TAOK3: variants seen among roughly 807,000 people sequenced by gnomAD.
TAOK3 encodes the protein TAO kinase 3.
Under a neutral mutation model 120.4 loss-of-function variants are expected in TAOK3, and 40 were observed. The ratio of observed to expected loss-of-function variants is 0.33; its 90% CI spans 0.26 to 0.43. The LOEUF (loss-of-function observed/expected upper bound fraction) is 0.43. Among genes scored for constraint, TAOK3 ranks in the 20% least tolerant of loss-of-function variants. The pLI is 1.00. For missense variants in TAOK3, 821 were observed against 1,112.1 expected (o/e 0.74, Z 3.72); for synonymous variants, 355 against 387.5 (o/e 0.92, Z 0.99).
intron 14 of TAOK3, 33 bp from the exon 15 acceptor site, chr12:118,181,640 C>A (rs747989948): frequency 1.9e-6 from 3 of 1,590,960 alleles, no homozygotes; most frequent in Non-Finnish European, 2.6e-6. Flanking sequence ...ACTCAGGTAA[C>A]CAGGTTCATG....
At chr12:118,170,013 G>A (rs1293110414) in intron 17 of TAOK3, among the ~76,000 whole-genome samples, 4 of 152,188 alleles carry the variant, frequency 2.6e-5, no homozygotes, top group East Asian at 1.9e-4. Context: ...GAGCCACTGC[G>A]CCCGGCCTCT....
intron 1 of TAOK3, among the ~76,000 whole-genome samples, chr12:118,309,938 T>C (rs1393831005): frequency 6.6e-6 from 1 of 152,106 alleles, no homozygotes; most frequent in East Asian, 1.9e-4. Flanking sequence ...TTCTTATTCT[T>C]TCCCCCCATA....
chr12:118,171,230 CT>C (rs1433254848), intron 17 of TAOK3, among the ~76,000 whole-genome samples: 1 of 152,216 alleles, frequency 6.6e-6, no homozygotes, highest in Non-Finnish European at 1.5e-5. Flanking sequence ...TCACTCAGAT[CT>C]AATTGCCTCT....
In TAOK3 at chr12:118,269,661, C is replaced by T. The variant is rs117064991; in HGVS notation, c.-193-2902G>A. Among the ~76,000 whole-genome samples the T allele has an allele frequency of 9.9e-3, 1,505 of 152,178 alleles. 17 individuals are homozygous for T. Among genetic ancestry groups the T allele is most frequent in the Non-Finnish European group, 0.014 (926 of 68,012 alleles). ...CTGAGATTACAGGCGTGAGCCACTG[C>T]GCCCAGCCCACTTTTACATAATTTT... On this transcript the variant is annotated intron_variant, in intron 1 of 20. Coordinates refer to ENST00000392533, the MANE Select transcript of TAOK3 (RefSeq NM_016281.4).
chr12:118,221,089 G>C (rs1431378007), intron 9 of TAOK3, among the ~76,000 whole-genome samples: 1 of 152,242 alleles, frequency 6.6e-6, no homozygotes, highest in Non-Finnish European at 1.5e-5. Context: ...GTCTATGACT[G>C]CTTTCATCCT....
chr12:118,228,662 A>G (rs1336730362), intron 9 of TAOK3, among the ~76,000 whole-genome samples: 1 of 152,204 alleles, frequency 6.6e-6, no homozygotes. Flanking sequence ...TTGGATAAGA[A>G]TTTAGGCTAG....
chr12:118,281,803 T>C (rs1247702476), intron 1 of TAOK3, among the ~76,000 whole-genome samples: 1 of 151,492 alleles, frequency 6.6e-6, no homozygotes, highest in Non-Finnish European at 1.5e-5. Flanking sequence ...ATTTGTCACG[T>C]AGTAATATAT....
chr12:118,241,638 A>G (rs2040256011), intron 5 of TAOK3, among the ~76,000 whole-genome samples: 1 of 152,166 alleles, frequency 6.6e-6, no homozygotes, highest in African/African-American at 2.4e-5. Context: ...CTGCCTTTAA[A>G]TGATTAGCTC....
In TAOK3 at chr12:118,152,404, C is replaced by T. The variant is rs2034512894; in HGVS notation, c.2358G>A (p.Arg786=). The change falls in exon 20 of 21, where the codon CGG becomes CGA. Residue 786 remains arginine (R), a synonymous_variant. Transcript: ENST00000392533. Reference sequence around the variant, plus strand: ...ATTCTGCTTCTTGAGCCTCATCTAGCCGTAACTGCGGACACAGAAGACACA... The same window carrying T: ...ATTCTGCTTCTTGAGCCTCATCTAGTCGTAACTGCGGACACAGAAGACACA... ...INEMMASQAL[R]LDEAQEAECQ... is the part of the protein sequence containing the mutation. 1 of 1,610,420 alleles carries T rather than the reference C, an allele frequency of 6.2e-7. No individual in the cohort carries two copies. Among genetic ancestry groups the T allele is most frequent in the African/African-American group, 1.3e-5 (1 of 75,030 alleles).
rs1281928577 is a variant in TAOK3 at position 118,163,945 on chromosome 12, C to T, written c.1900-1918G>A. Among the ~76,000 whole-genome samples, 6 of 151,990 alleles carry T rather than the reference C, an allele frequency of 3.9e-5. No homozygotes were observed. In the East Asian group the frequency reaches 9.9e-4, roughly 25 times the overall value. ...CAGGCTGGTCTCGAACTCCCGATCT[C>T]AGGTGATCTGCCCGCCTTGGCCTCT... On this transcript the variant is annotated intron_variant, in intron 17 of 20. Transcript: ENST00000392533.
At chr12:118,240,596 G>A (rs1213075157) in intron 5 of TAOK3, among the ~76,000 whole-genome samples, 1 of 151,802 alleles carries the variant, frequency 6.6e-6, no homozygotes, top group East Asian at 1.9e-4. Flanking sequence ...CACCCACCTA[G>A]GCCTCCCAAA....
intron 1 of TAOK3, among the ~76,000 whole-genome samples, chr12:118,325,090 T>C (rs906540215): frequency 3.9e-5 from 6 of 152,190 alleles, no homozygotes; most frequent in African/African-American, 1.4e-4. Flanking sequence ...ATCCACTGTG[T>C]TTATGTGCCA....
chr12:118,267,008 G>T (rs1314353467), intron 1 of TAOK3, among the ~76,000 whole-genome samples: 1 of 152,132 alleles, frequency 6.6e-6, no homozygotes, highest in Non-Finnish European at 1.5e-5. Flanking sequence ...GCTTCCACTG[G>T]TTTGTTTGTG....
At chr12:118,313,277 A>G (rs116553234) in intron 1 of TAOK3, among the ~76,000 whole-genome samples, 2,174 of 151,606 alleles carry the variant, frequency 0.014, 56 homozygotes, top group African/African-American at 0.05. Flanking sequence ...TTTTTATTTT[A>G]TTTTATCTTT....
At chr12:118,207,932 T>C (rs2038420935) in intron 11 of TAOK3, among the ~76,000 whole-genome samples, 1 of 151,382 alleles carries the variant, frequency 6.6e-6, no homozygotes, top group African/African-American at 2.4e-5. Flanking sequence ...ACTTTAGTTG[T>C]AATTTCTTCA....
At chr12:118,357,086 G>A (rs756131361) in intron 1 of TAOK3, among the ~76,000 whole-genome samples, 4 of 152,184 alleles carry the variant, frequency 2.6e-5, no homozygotes, top group Non-Finnish European at 4.4e-5. Context: ...TACATGAAAT[G>A]TATTCATAAG....
chr12:118,244,588 G>A (rs2040405399), intron 4 of TAOK3, among the ~76,000 whole-genome samples: 1 of 148,204 alleles, frequency 6.7e-6, no homozygotes, highest in Non-Finnish European at 1.5e-5. Context: ...GAGTGCAGCG[G>A]CGTGATCTCG....
chr12:118,158,804 GC>G (rs1454926425), intron 19 of TAOK3, among the ~76,000 whole-genome samples: 2 of 152,096 alleles, frequency 1.3e-5, no homozygotes, highest in African/African-American at 4.8e-5. Flanking sequence ...CAAACTCCTG[GC>G]TTCTGAGGCT....
At chr12:118,318,157 ACTT>A (rs1196011826) in intron 1 of TAOK3, among the ~76,000 whole-genome samples, 321 of 149,566 alleles carry the variant, frequency 2.1e-3, no homozygotes, top group Admixed American at 4.4e-3. Context: ...AAGCTATAAA[ACTT>A]TTTTTTTTTT....
Sources: allele counts gnomAD v4.1 joint callset (sites outside exome capture counted in the v4.1 genomes callset), GRCh38; gene constraint gnomAD v4.1.1; transcripts MANE v1.5; gene names NCBI Gene and HGNC (gene_info 2026-07-23, HGNC 2026-07-21).